CAMTA1: variants seen among roughly 807,000 people sequenced by gnomAD.
CAMTA1 encodes the protein calmodulin binding transcription activator 1.
A neutral mutation model predicts 170.9 loss-of-function variants in CAMTA1; 27 were observed. That is an observed-to-expected ratio of 0.16 (90% CI 0.12 to 0.22). The LOEUF (loss-of-function observed/expected upper bound fraction) is 0.22, where lower values mean the gene tolerates loss of function less well. Among genes scored for constraint, CAMTA1 ranks in the 10% least tolerant of loss-of-function variants. The pLI is 1.00. For missense variants in CAMTA1, 1,619 were observed against 2,217.2 expected (o/e 0.73, Z 5.42); for synonymous variants, 833 against 891.5 (o/e 0.93, Z 1.17).
At chr1:7,724,199 T>G (rs941653891) in intron 11 of CAMTA1, among the ~76,000 whole-genome samples, 1 of 152,074 alleles carries the variant, frequency 6.6e-6, no homozygotes, top group Non-Finnish European at 1.5e-5. Flanking sequence ...ACTTCAAAAC[T>G]AAACACAATG....
intron 6 of CAMTA1, among the ~76,000 whole-genome samples, chr1:7,508,064 C>T (rs567204056): frequency 1.3e-5 from 2 of 152,374 alleles, no homozygotes; most frequent in East Asian, 1.9e-4. Flanking sequence ...GCGAAGCCCT[C>T]GCTTATGATC....
intron 6 of CAMTA1, among the ~76,000 whole-genome samples, chr1:7,577,203 A>G (rs567420192): frequency 1.3e-5 from 2 of 152,336 alleles, no homozygotes; most frequent in African/African-American, 4.8e-5. Flanking sequence ...GACGTTCCTC[A>G]GATCCCTGTC....
chr1:6,860,964 CTTTTT>C (rs1247559136), intron 3 of CAMTA1, among the ~76,000 whole-genome samples: 1 of 127,906 alleles, frequency 7.8e-6, no homozygotes, highest in Non-Finnish European at 1.7e-5. Flanking sequence ...GTGTGACTTA[CTTTTT>C]TTTTTTTTTT....
intron 6 of CAMTA1, among the ~76,000 whole-genome samples, chr1:7,545,190 T>C (rs2094674058): frequency 6.6e-6 from 1 of 152,240 alleles, no homozygotes; most frequent in Admixed American, 6.5e-5. Flanking sequence ...TTTTCTTAAA[T>C]CTTGAAACAA....
At chr1:7,183,626 G>A (rs938487804) in intron 4 of CAMTA1, among the ~76,000 whole-genome samples, 1 of 152,168 alleles carries the variant, frequency 6.6e-6, no homozygotes, top group African/African-American at 2.4e-5. Flanking sequence ...ATGGCACAGT[G>A]GATACTATGC....
At chr1:7,555,440 C>T (rs1359536176) in intron 6 of CAMTA1, among the ~76,000 whole-genome samples, 1 of 152,046 alleles carries the variant, frequency 6.6e-6, no homozygotes, top group Non-Finnish European at 1.5e-5. Flanking sequence ...TGTGGCCACC[C>T]CACAGCCCTG....
chr1:7,637,528 G>A (rs545365282), intron 6 of CAMTA1, among the ~76,000 whole-genome samples: 4 of 152,316 alleles, frequency 2.6e-5, no homozygotes, highest in East Asian at 3.9e-4. Context: ...CCGTCTCTCC[G>A]CCGTTACCCC....
chr1:7,103,951 GTACA>G (rs1643218429), intron 4 of CAMTA1, among the ~76,000 whole-genome samples: 1 of 115,150 alleles, frequency 8.7e-6, no homozygotes, highest in Non-Finnish European at 1.8e-5. Context: ...CAGCACACAC[GTACA>G]TACAACTACA....
At chr1:7,320,576 C>T (rs982532710) in intron 5 of CAMTA1, among the ~76,000 whole-genome samples, 16 of 151,620 alleles carry the variant, frequency 1.1e-4, no homozygotes, top group Non-Finnish European at 2.2e-4. Flanking sequence ...ATGATGAGGA[C>T]CACTCCCCTG....
chr1:7,713,993 A>G (rs1342614496), intron 11 of CAMTA1, among the ~76,000 whole-genome samples: 1 of 152,190 alleles, frequency 6.6e-6, no homozygotes, highest in African/African-American at 2.4e-5. Context: ...GGGGCTGGGC[A>G]GTCACTTGAT....
Position 7,320,505 on chromosome 1 carries a change from C to T in CAMTA1, c.438+70879C>T, listed in dbSNP as rs183354521. On this transcript the variant is annotated intron_variant, in intron 5 of 22. Transcript: ENST00000303635. ...GCTACTCAGTTGAACTTACCATAGT[C>T]GATAGGCATCTTTCAGGATCCATCT... 1.4e-3 allele frequency among the ~76,000 whole-genome samples: 208 copies of T among 152,140 alleles called. 1 individual carries two copies. Among genetic ancestry groups the T allele is most frequent in the African/African-American group, 4.8e-3 (198 of 41,496 alleles).
intron 4 of CAMTA1, among the ~76,000 whole-genome samples, chr1:7,166,827 T>C (rs550881272): frequency 6.6e-6 from 1 of 151,568 alleles, no homozygotes; most frequent in South Asian, 2.1e-4. Context: ...TTTTTTTAAA[T>C]TGAGATGGAG....
chr1:7,039,481 G>A (rs761939967), intron 3 of CAMTA1, among the ~76,000 whole-genome samples: 4 of 150,336 alleles, frequency 2.7e-5, no homozygotes, highest in East Asian at 3.9e-4. Flanking sequence ...AATTAATAGC[G>A]CTTCCTTTCA....
rs904004832 is a variant in CAMTA1, at chr1:7,064,619, A to T, written c.235-26685A>T. On this transcript the variant is annotated intron_variant, in intron 3 of 22. Transcript: ENST00000303635. This position sits in a 1 kb window ranked among gnomAD's most constrained non-coding sequence, Gnocchi z 5.4. The stretch of plus-strand genomic sequence containing the variant: ...GAAGGTGGCCAGTGGAGGGCCAGGA[A>T]AGGAGGATTTTGGGTGAAGAGAACG... 3.3e-5 allele frequency among the ~76,000 whole-genome samples: 5 copies of T among 152,048 alleles called. No individual in the cohort carries two copies. The highest frequency in any genetic ancestry group is 1.2e-4 in the African/African-American group (5 of 41,398).
Position 7,635,058 on chromosome 1 carries a change from C to A in CAMTA1, c.511-5342C>A, listed in dbSNP as rs1037262500. On this transcript the variant is annotated intron_variant, in intron 6 of 22. Transcript: ENST00000303635. The surrounding 1 kb of genome is among the most constrained non-coding windows in gnomAD (Gnocchi z 4.4). ...CCACCACCACAGTCACAGACCATGC[C>A]ACGGGGCTCTCTCTCCCCAGCCTTT... is the stretch of plus-strand genomic sequence containing the variant. Among the ~76,000 whole-genome samples, 1 of 152,204 alleles carries A rather than the reference C, an allele frequency of 6.6e-6. No homozygotes were observed. Among genetic ancestry groups the A allele is most frequent in the African/African-American group, 2.4e-5 (1 of 41,446 alleles).
chr1:6,884,254 C>T (rs1183548949), intron 3 of CAMTA1, among the ~76,000 whole-genome samples: 1 of 148,900 alleles, frequency 6.7e-6, no homozygotes, highest in African/African-American at 2.5e-5. Flanking sequence ...AACCTAGCAG[C>T]CTTTTACCAT....
intron 1 of CAMTA1, among the ~76,000 whole-genome samples, chr1:6,791,072 C>T (rs1640958776): frequency 6.8e-6 from 1 of 147,302 alleles, no homozygotes; most frequent in South Asian, 2.1e-4. Flanking sequence ...CAGATCTTTT[C>T]CTAAGGTGGT....
intron 5 of CAMTA1, among the ~76,000 whole-genome samples, chr1:7,385,830 G>A (rs141850433): frequency 5.9e-5 from 9 of 152,304 alleles, no homozygotes; most frequent in Middle Eastern, 3.4e-3. Flanking sequence ...AGCACTGGGC[G>A]CCTCTGACGG....
In CAMTA1 at chr1:7,598,622, G is replaced by A. The variant is rs543129289; in HGVS notation, c.511-41778G>A. Reference sequence around the variant, plus strand: ...GTTGTTTCCTGACTTTTTAATGATCGCCATTCTAACTGGTGTGAGATGGTA... The same window carrying A: ...GTTGTTTCCTGACTTTTTAATGATCACCATTCTAACTGGTGTGAGATGGTA... On this transcript the variant is annotated intron_variant, in intron 6 of 22. Coordinates refer to ENST00000303635, the MANE Select transcript of CAMTA1 (RefSeq NM_015215.4). Among the ~76,000 whole-genome samples, 17 of 151,830 alleles carry A rather than the reference G, an allele frequency of 1.1e-4. No homozygotes were observed. In the South Asian group the frequency reaches 2.3e-3, roughly 20 times the overall value.
Sources: gnomAD v4.1 joint callset for allele counts (sites outside exome capture counted in the v4.1 genomes callset) on GRCh38, gnomAD v4.1.1 for gene constraint, Gnocchi (gnomAD v3.1) non-coding constraint, MANE v1.5 for transcripts, NCBI Gene and HGNC (gene_info 2026-07-23, HGNC 2026-07-21) for gene names.